LIPA: variants seen among roughly 807,000 people sequenced by gnomAD.
LIPA encodes lipase A, lysosomal acid type, also known as lysosomal acid lipase/cholesteryl ester hydrolase.
In LIPA, 26 loss-of-function variants were observed where a neutral mutation model predicts 40.6. The ratio of observed to expected loss-of-function variants is 0.64; its 90% CI spans 0.47 to 0.89. LIPA has a LOEUF of 0.89. Among genes scored for constraint, LIPA ranks in the 40% least tolerant of loss-of-function variants. The pLI is 0.00. For synonymous variants in LIPA, 188 were observed against 168.4 expected, an observed-to-expected ratio of 1.12 and a Z score of -0.90; for missense variants, 455 against 479.6, an observed-to-expected ratio of 0.95 and a Z score of 0.48.
intron 3 of LIPA, among the ~76,000 whole-genome samples, chr10:89,234,203 C>T (rs1172772763): frequency 1.3e-5 from 2 of 152,220 alleles, no homozygotes; most frequent in African/African-American, 4.8e-5. Flanking sequence ...AGGCCTTGGC[C>T]AGATGGGACC....
chr10:89,314,848 T>A (rs1317608476), intron 1 of LIPA, among the ~76,000 whole-genome samples: 1 of 152,228 alleles, frequency 6.6e-6, no homozygotes, highest in Non-Finnish European at 1.5e-5. Context: ...ATTCATTACA[T>A]AAGAATCTAT....
chr10:89,289,705 A>C (rs902723308), intron 1 of LIPA, among the ~76,000 whole-genome samples: 4 of 152,152 alleles, frequency 2.6e-5, no homozygotes, highest in Non-Finnish European at 4.4e-5. Context: ...GTTTTACCTC[A>C]AACTGCCACC....
Position 89,384,791 on chromosome 10 carries a change from A to G in LIPA, c.61+28000T>C, listed in dbSNP as rs965634018. ...GGTCTTATAACTAAATAGAATGACT[A>G]TGAAATTAAATAATGCAAACTTAAA... On this transcript the variant is annotated intron_variant, in intron 2 of 8. Transcript: ENST00000371837. 12 of 1,382,802 alleles carry G rather than the reference A, an allele frequency of 8.7e-6. No individual in the cohort carries two copies. In the African/African-American group the frequency reaches 8.7e-5, roughly 10 times the overall value. 85.7% of individuals were successfully genotyped at this position (1,382,802 alleles called of 1,614,324 possible). A position where few individuals can be genotyped will look rare whatever the true frequency, so the allele number is the denominator to read the frequency against.
intron 1 of LIPA, among the ~76,000 whole-genome samples, chr10:89,280,899 A>G (rs1298398294): frequency 1.3e-5 from 2 of 152,220 alleles, no homozygotes; most frequent in Non-Finnish European, 2.9e-5. Flanking sequence ...CATTCCAGCT[A>G]TTATAATCCC....
At position 89,348,621 on chromosome 10, in the gene LIPA, C is replaced by T. The variant is rs1035966300; in HGVS notation, c.61+64170G>A. On this transcript the variant is annotated intron_variant, in intron 2 of 8. Transcript: ENST00000371837. ...CATGCAAGGAGAATCCCGCAGCTCACGCTTAAGACCCTATTTTTGGTTTCT... is the reference window on the plus strand; with the variant it reads ...CATGCAAGGAGAATCCCGCAGCTCATGCTTAAGACCCTATTTTTGGTTTCT... Among the ~76,000 whole-genome samples the T allele has an allele frequency of 3.9e-5, 6 of 152,300 alleles. No homozygotes were observed. The South Asian group carries it at 1.2e-3, about 32-fold the overall frequency.
intron 2 of LIPA, among the ~76,000 whole-genome samples, chr10:89,406,920 A>G (rs1197495358): frequency 6.6e-6 from 1 of 152,104 alleles, no homozygotes; most frequent in Non-Finnish European, 1.5e-5. Flanking sequence ...CTTGCTATTC[A>G]TCCTATTTTT....
intron 2 of LIPA, chr10:89,384,787 GA>G: frequency 7.1e-7 from 1 of 1,407,166 alleles, no homozygotes; most frequent in Non-Finnish European, 9.7e-7. Flanking sequence ...TAAATAGAAT[GA>G]CTATGAAATT....
Position 89,222,599 on chromosome 10 carries a change from T to C in LIPA, c.823-17A>G, listed in dbSNP as rs747852495. On this transcript the variant is annotated splice_polypyrimidine_tract_variant and intron_variant, in intron 7 of 9. Coordinates refer to ENST00000336233, the MANE Select transcript of LIPA (RefSeq NM_000235.4). ...CACTCTAGACTGCAAAATAAATACATTGAAATGAAGAATGAAAACAGCATT... is the reference window on the plus strand; with the variant it reads ...CACTCTAGACTGCAAAATAAATACACTGAAATGAAGAATGAAAACAGCATT... The C allele has an allele frequency of 3.7e-5, 54 of 1,472,590 alleles. No individual in the cohort carries two copies. The highest frequency in any genetic ancestry group is 4.7e-5 in the Non-Finnish European group (49 of 1,051,058). 91.2% of individuals were successfully genotyped at this position (1,472,590 alleles called of 1,614,324 possible).
intron 1 of LIPA, among the ~76,000 whole-genome samples, chr10:89,299,722 T>TCATC (rs1185695855): frequency 6.6e-6 from 1 of 151,626 alleles, no homozygotes; most frequent in Non-Finnish European, 1.5e-5. Flanking sequence ...CAATGAGATA[T>TCATC]CATCTCACCC....
intron 2 of LIPA, among the ~76,000 whole-genome samples, chr10:89,396,855 T>G (rs1332162778): frequency 1.3e-5 from 2 of 152,256 alleles, no homozygotes; most frequent in African/African-American, 2.4e-5. Flanking sequence ...TTCATGTGTT[T>G]GCTAGTCCTT....
At chr10:89,301,487 C>T (rs967284641) in intron 1 of LIPA, among the ~76,000 whole-genome samples, 1 of 152,168 alleles carries the variant, frequency 6.6e-6, no homozygotes, top group Non-Finnish European at 1.5e-5. Flanking sequence ...GTTGTGCTCC[C>T]TTGATGCCAT....
chr10:89,286,183 C>T (rs1307908991), intron 1 of LIPA, among the ~76,000 whole-genome samples: 1 of 152,068 alleles, frequency 6.6e-6, no homozygotes, highest in Non-Finnish European at 1.5e-5. Flanking sequence ...ACATCGGTCC[C>T]TCGTCCCTCC....
At chr10:89,402,371 G>A (rs555422551) in intron 2 of LIPA, 2 of 1,614,120 alleles carry the variant, frequency 1.2e-6, no homozygotes, top group South Asian at 1.1e-5. Context: ...ACGATGAAAT[G>A]CCTGATTTAG....
intron 1 of LIPA, among the ~76,000 whole-genome samples, chr10:89,324,622 C>T (rs531853842): frequency 6.6e-6 from 1 of 152,142 alleles, no homozygotes; most frequent in African/African-American, 2.4e-5. Flanking sequence ...CTATGCATAA[C>T]CAAAGGTCTA....
At chr10:89,346,971 A>C (rs73367444), upstream of LIPA, among the ~76,000 whole-genome samples, 10,534 of 152,260 alleles carry the variant, frequency 0.069, 913 homozygotes, top group African/African-American at 0.2. Flanking sequence ...GAGCTGTTAT[A>C]TTCTAATAGC....
intron 2 of LIPA, among the ~76,000 whole-genome samples, chr10:89,412,252 C>G (rs945424119): frequency 1.3e-5 from 2 of 152,148 alleles, no homozygotes; most frequent in African/African-American, 4.8e-5. Flanking sequence ...CAGGTGGGGA[C>G]TCAGAGAACT....
intron 2 of LIPA, among the ~76,000 whole-genome samples, chr10:89,246,936 C>T (rs1420909500): frequency 6.6e-6 from 1 of 152,004 alleles, no homozygotes; most frequent in Non-Finnish European, 1.5e-5. Flanking sequence ...ATAGTTTAAA[C>T]AAACTTAGTG....
rs558649887 is a variant in LIPA at position 89,276,425 on chromosome 10, A to G, written c.-1-28776T>C. On this transcript the variant is annotated intron_variant, in intron 1 of 5. Coordinates refer to the LIPA transcript ENST00000282673. ...GCTCTTTAACAGCAGATAGACACAA[A>G]TTCAAAAGTATCACACCACATTATG... Among the ~76,000 whole-genome samples the G allele has an allele frequency of 1.6e-4, 25 of 152,366 alleles. No homozygotes were observed. The South Asian group carries it at 2.3e-3, about 14-fold the overall frequency.
At chr10:89,246,002 C>T (rs183960479) in intron 2 of LIPA, among the ~76,000 whole-genome samples, 97 of 152,228 alleles carry the variant, frequency 6.4e-4, no homozygotes, top group Non-Finnish European at 1.0e-3. Context: ...CTACCGGTGT[C>T]TGGTTAAACT....
Sources: gnomAD v4.1 joint callset for allele counts (sites outside exome capture counted in the v4.1 genomes callset) on GRCh38, gnomAD v4.1.1 for gene constraint, MANE v1.5 for transcripts, NCBI Gene and HGNC (gene_info 2026-07-23, HGNC 2026-07-21) for gene names.